S100A11: variants seen among roughly 807,000 people sequenced by gnomAD.
The protein encoded by S100A11 is protein S100-A11.
S100A11 carries 5 observed loss-of-function variants against 7.4 expected under a neutral mutation model. The observed-to-expected ratio is 0.68, with a 90% CI of 0.35 to 1.42. S100A11 has a LOEUF of 1.42. S100A11 is among the 40% of genes most tolerant of loss of function. S100A11 has a pLI of 0.04. For missense variants in S100A11, 96 were observed against 125.0 expected (o/e 0.77, Z 1.11); for synonymous variants, 47 against 46.6 (o/e 1.01, Z -0.04).
chr1:152,033,918 T>C lies in S100A11; in HGVS notation c.4-118A>G, dbSNP rs1572129390. On this transcript the variant is annotated intron_variant, in intron 1 of 2. Transcript: ENST00000271638. This position sits in a 1 kb window ranked among gnomAD's most constrained non-coding sequence, Gnocchi z 4.0. The stretch of plus-strand genomic sequence containing the variant: ...GCAGTTTCCTAAAAGACTGAGTCAT[T>C]TTTTCAAGGGGCTGAGGGGTTCAAG... 2.3e-6 allele frequency: 2 copies of C among 880,624 alleles called. No individual in the cohort carries two copies. Among genetic ancestry groups the C allele is most frequent in the East Asian group, 4.9e-5 (2 of 41,044 alleles). The allele number at this position is 880,624 out of a possible 1,614,324, so 54.6% of individuals were successfully genotyped here.
chr1:152,036,767 T>C, intron 1 of S100A11, 146 bp downstream of exon 1: 1 of 726,004 alleles, frequency 1.4e-6, no homozygotes, highest in Non-Finnish European at 2.3e-6. Context: ...TCTTCCCCAG[T>C]TCCCTCCCAC....
At chr1:152,035,401 T>G (rs1656812974) in intron 1 of S100A11, among the ~76,000 whole-genome samples, 1 of 152,218 alleles carries the variant, frequency 6.6e-6, no homozygotes, top group Non-Finnish European at 1.5e-5. Flanking sequence ...ACAGTTTTGC[T>G]TTTCCAGTTT....
rs373184225 is a variant in S100A11 at position 152,032,758 on chromosome 1, C to T, written c.222G>A (p.Gln74=). 1.2e-6 allele frequency: 2 copies of T among 1,613,834 alleles called. No individual in the cohort carries two copies. The highest frequency in any genetic ancestry group is 1.7e-6 in the Non-Finnish European group (2 of 1,179,802). ...GATTAAGAAATTCTGAGAAATCTAGCTGACCATCACTGTTGGTGTCCAGTT... is the reference window on the plus strand; with the variant it reads ...GATTAAGAAATTCTGAGAAATCTAGTTGACCATCACTGTTGGTGTCCAGTT... The part of the protein sequence containing the change: ...MKKLDTNSDG[Q]LDFSEFLNLI... Residue 74 remains glutamine, a synonymous_variant, in exon 3 of 3, where the codon CAG becomes CAA. Transcript: ENST00000271638.
chr1:152,036,746 C>A (rs1322513955), intron 1 of S100A11, among the ~76,000 whole-genome samples, 167 bp downstream of exon 1: 1 of 152,226 alleles, frequency 6.6e-6, no homozygotes, highest in South Asian at 2.1e-4. Context: ...GGGCTTCATC[C>A]TTCCATCCCT....
In S100A11 at chr1:152,032,811, G is replaced by A; in HGVS notation, c.169C>T (p.Pro57Ser). The A allele has an allele frequency of 1.9e-6, 3 of 1,608,574 alleles. No individual in the cohort carries two copies. The highest frequency in any genetic ancestry group is 2.6e-6 in the Non-Finnish European group (3 of 1,175,284). The change falls in exon 3 of 3, where the codon CCT becomes TCT. Residue 57 changes from proline (P) to serine (S), a missense_variant. Transcript: ENST00000271638. ...TTCATCATGCGGTCAAGGACACCAG[G>A]GTCCTTCTGGTTCTGCAGAGAAAAT... The part of the protein sequence containing the change: ...LAAFTKNQKD[P>S]GVLDRMMKKL...
chr1:152,034,743 A>C (rs1442103406), intron 1 of S100A11, among the ~76,000 whole-genome samples: 1 of 152,214 alleles, frequency 6.6e-6, no homozygotes, highest in Non-Finnish European at 1.5e-5. Context: ...AGAAGCCGCA[A>C]TTACAGACTT....
At chr1:152,036,007 A>G (rs1417841634) in intron 1 of S100A11, among the ~76,000 whole-genome samples, 1 of 152,180 alleles carries the variant, frequency 6.6e-6, no homozygotes, top group South Asian at 2.1e-4. Flanking sequence ...CTGTTCCAAT[A>G]CTTCATTTAT....
At position 152,033,563 on chromosome 1, in the gene S100A11, T is replaced by C; in HGVS notation, c.156+85A>G. ...AGCAAGAGTGTGGGGTGTCAGTTGC[T>C]GCTCCTTCATTCCTGGCCATTCTGC... On this transcript the variant is annotated intron_variant, in intron 2 of 2. Coordinates refer to ENST00000271638, the MANE Select transcript of S100A11 (RefSeq NM_005620.2). This position sits in a 1 kb window ranked among gnomAD's most constrained non-coding sequence, Gnocchi z 4.0. 3 of 1,314,502 alleles carry C rather than the reference T, an allele frequency of 2.3e-6. No homozygotes were observed. Among genetic ancestry groups the C allele is most frequent in the Non-Finnish European group, 3.3e-6 (3 of 920,250 alleles). The allele number at this position is 1,314,502 out of a possible 1,614,324, so 81.4% of individuals were successfully genotyped here.
intron 2 of S100A11, 130 bp from the exon 3 acceptor site, chr1:152,032,953 T>C: frequency 1.3e-6 from 1 of 770,490 alleles, no homozygotes; most frequent in Non-Finnish European, 2.0e-6. Context: ...ATTTGCCAGA[T>C]GCAGAAACAG....
Position 152,036,961 on chromosome 1 carries a change from TGA to T in S100A11, c.-48_-47del. 6.2e-7 allele frequency: 1 copy of T among 1,612,554 alleles called. No homozygotes were observed. The highest frequency in any genetic ancestry group is 8.5e-7 in the Non-Finnish European group (1 of 1,179,542). ...GGGAGGCTGTGGCTGGGAGCGGCGC[TGA>T]GAGCTCTGTGCGCGCGGCGTGCGGG... On this transcript the variant is annotated 5_prime_UTR_variant, in exon 1 of 3. Transcript: ENST00000271638.
Position 152,032,697 on chromosome 1 carries a change from A to G in S100A11, c.283T>C (p.Phe95Leu). The G allele has an allele frequency of 6.2e-7, 1 of 1,613,776 alleles. No homozygotes were observed. The highest frequency in any genetic ancestry group is 8.5e-7 in the Non-Finnish European group (1 of 1,179,688). ...TTCTGGGAAGGGACAGCCTTGAGGA[A>G]GGAGTCATGGCAAGCCATAGCTAGG... ...GGLAMACHDS[F>L]LKAVPSQKRT Residue 95 changes from phenylalanine (F) to leucine (L), a missense_variant, in exon 3 of 3, where the codon TTC becomes CTC. Transcript: ENST00000271638.
Position 152,033,713 on chromosome 1 carries a change from T to C in S100A11, c.91A>G (p.Asn31Asp), listed in dbSNP as rs368390199. The part of the protein sequence containing the change: ...FQKYAGKDGY[N>D]YTLSKTEFLS... ...AACTCTGTCTTGGAGAGAGTGTAGT[T>C]ATAACCATCCTTTCCAGCATACTTC... is the stretch of plus-strand genomic sequence containing the variant. Residue 31 changes from asparagine (N) to aspartate (D), a missense_variant, in exon 2 of 3, where the codon AAC becomes GAC. By Grantham distance (23) the Asn-to-Asp change is conservative. Coordinates refer to ENST00000271638, the MANE Select transcript of S100A11 (RefSeq NM_005620.2). The surrounding 1 kb of genome is among the most constrained non-coding windows in gnomAD (Gnocchi z 4.0). 1.4e-5 allele frequency: 23 copies of C among 1,613,642 alleles called. No individual in the cohort carries two copies. In the African/African-American group the frequency reaches 3.1e-4, roughly 22 times the overall value.
rs6694472 is a variant in S100A11, at chr1:152,033,227, C to G, written c.157-404G>C. On this transcript the variant is annotated intron_variant, in intron 2 of 2. Transcript: ENST00000271638. This position sits in a 1 kb window ranked among gnomAD's most constrained non-coding sequence, Gnocchi z 4.0. Reference sequence around the variant, plus strand: ...CCCAAGCTGCCAACACAGATACAGACTTAGAGCCACTGGTTACAAATGGCT... The same window carrying G: ...CCCAAGCTGCCAACACAGATACAGAGTTAGAGCCACTGGTTACAAATGGCT... 0.012 allele frequency among the ~76,000 whole-genome samples: 1,786 copies of G among 152,342 alleles called. 46 individuals are homozygous for G. The highest frequency in any genetic ancestry group is 0.041 in the African/African-American group (1,701 of 41,560).
At position 152,032,565 on chromosome 1, in the gene S100A11, G is replaced by A; in HGVS notation, c.*97C>T. The A allele has an allele frequency of 1.9e-6, 2 of 1,052,986 alleles. No homozygotes were observed. Among genetic ancestry groups the A allele is most frequent in the Non-Finnish European group, 2.8e-6 (2 of 723,200 alleles). 65.2% of individuals were successfully genotyped at this position (1,052,986 alleles called of 1,614,324 possible). A position where few individuals can be genotyped will look rare whatever the true frequency, so the allele number is the denominator to read the frequency against. ...TATTGGCAGGTGGGGCCTGCATGAG[G>A]TGGTTAGTGTGCTCAGGGGATGGGT... On this transcript the variant is annotated 3_prime_UTR_variant, in exon 3 of 3. Coordinates refer to ENST00000271638, the MANE Select transcript of S100A11 (RefSeq NM_005620.2).
At chr1:152,036,586 A>C (rs1656833828) in intron 1 of S100A11, among the ~76,000 whole-genome samples, 1 of 150,422 alleles carries the variant, frequency 6.6e-6, no homozygotes, top group Admixed American at 6.6e-5. Flanking sequence ...ACCGCGGGCG[A>C]GGGGCTGGAG....
At chr1:152,034,856 C>G (rs893393116) in intron 1 of S100A11, among the ~76,000 whole-genome samples, 2 of 152,180 alleles carry the variant, frequency 1.3e-5, no homozygotes, top group Admixed American at 6.5e-5. Context: ...AGCATTTAGC[C>G]TTTCGTTTGT....
chr1:152,033,573 T>C lies in S100A11; in HGVS notation c.156+75A>G. ...TGGGGTGTCAGTTGCTGCTCCTTCA[T>C]TCCTGGCCATTCTGCCAGGGTCTTG... On this transcript the variant is annotated intron_variant, in intron 2 of 2. Transcript: ENST00000271638. This position sits in a 1 kb window ranked among gnomAD's most constrained non-coding sequence, Gnocchi z 4.0. 1 of 1,429,022 alleles carries C rather than the reference T, an allele frequency of 7.0e-7. No homozygotes were observed. Among genetic ancestry groups the C allele is most frequent in the Non-Finnish European group, 9.8e-7 (1 of 1,018,906 alleles). The allele number at this position is 1,429,022 out of a possible 1,614,324, so 88.5% of individuals were successfully genotyped here.
chr1:152,033,642 C>T lies in S100A11; in HGVS notation c.156+6G>A, dbSNP rs768446982. ...TTGGGGAAGTGGGGGAGACAGGGAC[C>T]AGTACCTTTGTGAAGGCAGCTAGTT... On this transcript the variant is annotated splice_donor_region_variant and intron_variant, in intron 2 of 2. Coordinates refer to ENST00000271638, the MANE Select transcript of S100A11 (RefSeq NM_005620.2). The surrounding 1 kb of genome is among the most constrained non-coding windows in gnomAD (Gnocchi z 4.0). 3 of 1,612,422 alleles carry T rather than the reference C, an allele frequency of 1.9e-6. No individual in the cohort carries two copies. Among genetic ancestry groups the T allele is most frequent in the Non-Finnish European group, 2.5e-6 (3 of 1,179,616 alleles).
At chr1:152,034,929 C>G (rs1166030142) in intron 1 of S100A11, among the ~76,000 whole-genome samples, 1 of 152,224 alleles carries the variant, frequency 6.6e-6, no homozygotes, top group African/African-American at 2.4e-5. Flanking sequence ...TTAACACGTG[C>G]TAAGAACTGA....
Sources: allele counts gnomAD v4.1 joint callset (sites outside exome capture counted in the v4.1 genomes callset), GRCh38; gene constraint gnomAD v4.1.1; non-coding constraint Gnocchi (gnomAD v3.1); transcripts MANE v1.5; gene names NCBI Gene and HGNC (gene_info 2026-07-23, HGNC 2026-07-21).